The following AGL variants were observed in gnomAD, a reference collection of about 807,000 sequenced individuals.
AGL encodes amylo-alpha-1,6-glucosidase and 4-alpha-glucanotransferase.
AGL carries 128 observed loss-of-function variants against 199.3 expected under a neutral mutation model. That is an observed-to-expected ratio of 0.64 (90% confidence interval 0.56 to 0.74). AGL has a LOEUF of 0.74. Among genes scored for constraint, AGL ranks in the 30% least tolerant of loss-of-function variants. The pLI, the probability that AGL is intolerant of heterozygous loss-of-function variation, is 0.00. For missense variants in AGL, 1,809 were observed against 1,820.8 expected, an observed-to-expected ratio of 0.99 and a Z score of 0.12; for synonymous variants, 584 against 594.7, an observed-to-expected ratio of 0.98 and a Z score of 0.26.
chr1:99,879,859 T>C, intron 12 of AGL, 64 bp from the exon 13 acceptor site: 1 of 1,389,582 alleles, frequency 7.2e-7, no homozygotes, highest in Non-Finnish European at 1.0e-6. Flanking sequence ...CTTTCCTTCC[T>C]CCTATCTTGC....
chr1:99,874,579 T>C, intron 7 of AGL, 108 bp from the exon 8 acceptor site: 1 of 1,052,796 alleles, frequency 9.5e-7, no homozygotes, highest in Non-Finnish European at 1.4e-6. Flanking sequence ...AATAAATATT[T>C]GTTTTATTTT....
intron 2 of AGL, among the ~76,000 whole-genome samples, chr1:99,853,394 A>G (rs1157692562): frequency 6.6e-6 from 1 of 152,074 alleles, no homozygotes; most frequent in African/African-American, 2.4e-5. Flanking sequence ...GTTAAATCTC[A>G]TTTACTGTCA....
rs1213904866 is a variant in AGL, at chr1:99,902,733, G to C, written c.3639G>C (p.Gln1213His). 3 of 1,613,440 alleles carry C rather than the reference G, an allele frequency of 1.9e-6. No homozygotes were observed. Among genetic ancestry groups the C allele is most frequent in the Admixed American group, 1.7e-5 (1 of 59,990 alleles). ...AGGAAGCAATGCAAAAACACATGCA[G>C]GGCATACAGTTCCGAGAAAGGAATG... ...VIQEAMQKHM[Q>H]GIQFRERNAG... The change falls in exon 27 of 34, where the codon CAG becomes CAC. Residue 1213 changes from glutamine to histidine, a missense_variant. Gln to His is a conservative substitution (Grantham distance 24). Transcript: ENST00000361915.
At chr1:99,915,328 G>A in intron 30 of AGL, 61 bp from the exon 31 acceptor site, 1 of 1,330,552 alleles carries the variant, frequency 7.5e-7, no homozygotes, top group Non-Finnish European at 1.1e-6. Context: ...AGTTTCTGTG[G>A]GTAGGAACTA....
intron 2 of AGL, among the ~76,000 whole-genome samples, chr1:99,860,814 T>A (rs763527050): frequency 1.3e-5 from 2 of 152,202 alleles, no homozygotes; most frequent in Non-Finnish European, 2.9e-5. Context: ...AGCTTAAGAT[T>A]GCCCATGTCG....
Position 99,870,805 on chromosome 1 carries a change from C to T in AGL, c.894C>T (p.Leu298=), listed in dbSNP as rs2230306. The T allele has an allele frequency of 0.71, 1,147,810 of 1,609,158 alleles. 411,934 individuals are homozygous for T. Among genetic ancestry groups the T allele is most frequent in the African/African-American group, 0.92 (68,666 of 74,920 alleles). Residue 298 remains leucine, a synonymous_variant, in exon 7 of 34, where the codon CTC becomes CTT. Transcript: ENST00000361915. ...AGGATATTTTTCCAAAGCTTAAACT[C>T]TGGGAATTTTTCCAAGTAGATGTCA... ...IWEDIFPKLK[L]WEFFQVDVNK...
intron 27 of AGL, among the ~76,000 whole-genome samples, chr1:99,903,282 C>G (rs986369504): frequency 3.3e-5 from 5 of 152,250 alleles, no homozygotes; most frequent in Admixed American, 6.5e-5. Flanking sequence ...CTATCCCTCC[C>G]CCATCCCCCC....
chr1:99,875,235 C>G lies in AGL; in HGVS notation c.1164C>G (p.Leu388=). The change falls in exon 9 of 34, where the codon CTC becomes CTG. Residue 388 remains leucine, a synonymous_variant. Coordinates refer to ENST00000361915, the MANE Select transcript of AGL (RefSeq NM_000642.3). ...AATTAAATTCAGAGAAGCATCGACTCATTAACTATCATCAGGAACAGGTTT... is the reference window on the plus strand; with the variant it reads ...AATTAAATTCAGAGAAGCATCGACTGATTAACTATCATCAGGAACAGGTTT... ...MEELNSEKHR[L]INYHQEQAVN... is the part of the protein sequence containing the mutation. 1 of 1,613,990 alleles carries G rather than the reference C, an allele frequency of 6.2e-7. No homozygotes were observed. The highest frequency in any genetic ancestry group is 8.5e-7 in the Non-Finnish European group (1 of 1,179,860).
rs1449665399 is a variant in AGL, at chr1:99,923,585, G to T, written c.*1934G>T. ...TTTCTAATGAGGAAGATTAATGAAA[G>T]AACATTGTTATATTCTGCGTGGTAT... On this transcript the variant is annotated 3_prime_UTR_variant, in exon 34 of 34. Coordinates refer to ENST00000361915, the MANE Select transcript of AGL (RefSeq NM_000642.3). The T allele has an allele frequency of 2.0e-5, 3 of 152,118 alleles. No individual in the cohort carries two copies. The highest frequency in any genetic ancestry group is 4.4e-5 in the Non-Finnish European group (3 of 68,008). 9.4% of individuals were successfully genotyped at this position (152,118 alleles called of 1,614,324 possible). A position where few individuals can be genotyped will look rare whatever the true frequency, so the allele number is the denominator to read the frequency against.
intron 12 of AGL, 65 bp downstream of exon 12, chr1:99,877,893 A>G: frequency 6.7e-7 from 1 of 1,500,744 alleles, no homozygotes; most frequent in Non-Finnish European, 9.3e-7. Context: ...GCTTTCCTTA[A>G]GTAAACTATG....
chr1:99,885,695 A>G (rs1047322688), intron 20 of AGL, among the ~76,000 whole-genome samples: 1 of 152,154 alleles, frequency 6.6e-6, no homozygotes, highest in Admixed American at 6.5e-5. Context: ...CATGCTGCCT[A>G]TGAGAATCTA....
At chr1:99,870,330 T>C in intron 5 of AGL, 70 bp from the exon 6 acceptor site, 1 of 1,487,868 alleles carries the variant, frequency 6.7e-7, no homozygotes, top group Non-Finnish European at 9.4e-7. Flanking sequence ...TTATTTCACC[T>C]CTAAACTTAA....
chr1:99,906,580 T>C (rs944342671), intron 27 of AGL, among the ~76,000 whole-genome samples: 3 of 152,222 alleles, frequency 2.0e-5, no homozygotes, highest in African/African-American at 4.8e-5. Flanking sequence ...GTCTGCTTTC[T>C]GTCCCTGTGA....
chr1:99,919,442 C>T (rs1349537561), intron 33 of AGL, among the ~76,000 whole-genome samples: 3 of 152,166 alleles, frequency 2.0e-5, no homozygotes, highest in Admixed American at 6.5e-5. Context: ...CTACCCCAGC[C>T]TGGAATTGGG....
chr1:99,871,215 T>C (rs1195171114), intron 7 of AGL, among the ~76,000 whole-genome samples: 3 of 152,106 alleles, frequency 2.0e-5, no homozygotes, highest in Non-Finnish European at 2.9e-5. Context: ...AAACAAGTTT[T>C]GAAATTGAGA....
rs1650318479 is a variant in AGL at position 99,864,311 on chromosome 1, A to G, written c.461-75A>G. 1.7e-5 allele frequency: 23 copies of G among 1,342,430 alleles called. No individual in the cohort carries two copies. The South Asian group carries it at 2.1e-4, about 12-fold the overall frequency. 83.2% of individuals were successfully genotyped at this position (1,342,430 alleles called of 1,614,324 possible). On this transcript the variant is annotated intron_variant, in intron 4 of 33. Transcript: ENST00000361915. ...TTTATAATTACTTAAGAAAGTTTAA[A>G]TTTATATTTTCTTCATTTTAGGCTG...
intron 27 of AGL, among the ~76,000 whole-genome samples, chr1:99,904,463 T>A (rs1420850006): frequency 1.3e-5 from 2 of 152,124 alleles, no homozygotes; most frequent in Admixed American, 6.5e-5. Context: ...CTTTTAAAAG[T>A]TTTTACATTC....
intron 2 of AGL, among the ~76,000 whole-genome samples, chr1:99,852,351 C>CTTTTTTTTTTTTTTTTT (rs11363065): frequency 2.1e-5 from 2 of 97,554 alleles, no homozygotes; most frequent in African/African-American, 4.3e-5. Context: ...GCATTCATTT[C>CTTTTTTTTTTTTTTTTT]TTTTTTTTTT....
In AGL at chr1:99,874,765, G is replaced by A. The variant is rs1471264881; in HGVS notation, c.1037G>A (p.Cys346Tyr). Residue 346 changes from cysteine to tyrosine, a missense_variant, in exon 8 of 34, where the codon TGT (cysteine) becomes TAT (tyrosine). Cys to Tyr is a radical substitution (Grantham distance 194). Coordinates refer to ENST00000361915, the MANE Select transcript of AGL (RefSeq NM_000642.3). ...GATCCTGAATACAGACGGTTTGGCT[G>A]TACTGTAGATATGAACATTGCACTA... Reference protein sequence around the residue: ...IQDPEYRRFGCTVDMNIALTT... With the variant: ...IQDPEYRRFGYTVDMNIALTT... 1.2e-6 allele frequency: 2 copies of A among 1,606,258 alleles called. No homozygotes were observed. Among genetic ancestry groups the A allele is most frequent in the Non-Finnish European group, 1.7e-6 (2 of 1,175,528 alleles).
Sources: allele counts gnomAD v4.1 joint callset (sites outside exome capture counted in the v4.1 genomes callset), GRCh38; gene constraint gnomAD v4.1.1; transcripts MANE v1.5; gene names NCBI Gene and HGNC (gene_info 2026-07-23, HGNC 2026-07-21).